AMELX: variants seen among roughly 807,000 people sequenced by gnomAD.
The protein encoded by AMELX is amelogenin X-linked.
In AMELX, 9 loss-of-function variants were observed where a neutral mutation model predicts 15.8. That is an observed-to-expected ratio of 0.57 (90% CI 0.34 to 0.99). The LOEUF is 0.99. AMELX is among the 50% of genes least tolerant of loss of function. AMELX has a pLI of 0.02. For missense variants in AMELX, 107 were observed against 156.2 expected (o/e 0.68, Z 1.68); for synonymous variants, 61 against 58.8 (o/e 1.04, Z -0.17).
In AMELX at chrX:11,300,679, A is replaced by T; in HGVS notation, c.*67A>T. 1 of 1,056,880 alleles carries T rather than the reference A, an allele frequency of 9.5e-7. No homozygotes were observed. Among genetic ancestry groups the T allele is most frequent in the African/African-American group, 1.8e-5 (1 of 54,710 alleles). 87.1% of individuals were successfully genotyped at this position (1,056,880 alleles called of 1,213,427 possible). A position where few individuals can be genotyped will look rare whatever the true frequency, so the allele number is the denominator to read the frequency against. On this transcript the variant is annotated 3_prime_UTR_variant, in exon 6 of 6. Transcript: ENST00000380714. Reference sequence around the variant, plus strand: ...TCAGGAGTGACACAAGAACACAATGATTTTTGCTTATAATCACTTTACTTA... The same window carrying T: ...TCAGGAGTGACACAAGAACACAATGTTTTTTGCTTATAATCACTTTACTTA...
chrX:11,305,349 G>A (rs2048226838), downstream of AMELX, among the ~76,000 whole-genome samples: 1 of 112,147 alleles, frequency 8.9e-6, no homozygotes, highest in Non-Finnish European at 1.9e-5. Flanking sequence ...AAGAAAGCAT[G>A]TCCACCCTCT....
chrX:11,296,913 C>A, intron 3 of AMELX, 87 bp downstream of exon 3: 1 of 1,087,234 alleles, frequency 9.2e-7, no homozygotes, highest in Non-Finnish European at 1.3e-6. Flanking sequence ...ATTCTTTATC[C>A]CAGATGTTTC....
chrX:11,306,066 C>A, the AMELX span, among the ~76,000 whole-genome samples: 2 of 111,441 alleles, frequency 1.8e-5, no homozygotes, highest in Admixed American at 9.5e-5. Context: ...CATCAGTGAC[C>A]CTCACCTCAA....
At chrX:11,305,407 C>T (rs751607158), downstream of AMELX, among the ~76,000 whole-genome samples, 5 of 111,734 alleles carry the variant, frequency 4.5e-5, no homozygotes, top group Non-Finnish European at 9.4e-5. Context: ...TTTTAAAAAC[C>T]GTCCGACAGA....
At chrX:11,309,186 T>C in the AMELX span, among the ~76,000 whole-genome samples, 2 of 112,046 alleles carry the variant, frequency 1.8e-5, no homozygotes, top group Non-Finnish European at 3.8e-5. Flanking sequence ...GGTCCTACCT[T>C]GCTTCTAGCA....
At chrX:11,299,348 G>C (rs1012828582) in intron 5 of AMELX, among the ~76,000 whole-genome samples, 3 of 112,120 alleles carry the variant, frequency 2.7e-5, no homozygotes, top group Non-Finnish European at 5.6e-5. Context: ...GAATAGGCTA[G>C]AGTTGCACTG....
At chrX:11,303,595 TA>T (rs2048198206), downstream of AMELX, among the ~76,000 whole-genome samples, 1 of 112,238 alleles carries the variant, frequency 8.9e-6, no homozygotes, top group South Asian at 3.7e-4. Flanking sequence ...CTATTAATTT[TA>T]AAAATGAACG....
chrX:11,308,014 T>A, the AMELX span, among the ~76,000 whole-genome samples: 5 of 112,476 alleles, frequency 4.4e-5, no homozygotes, highest in Non-Finnish European at 9.4e-5. Context: ...AACTAAATAA[T>A]TCGTATATAT....
At chrX:11,302,710 T>C (rs2048187515), downstream of AMELX, among the ~76,000 whole-genome samples, 1 of 111,471 alleles carries the variant, frequency 9.0e-6, no homozygotes, top group Admixed American at 9.5e-5. Context: ...TTGAGTAACT[T>C]GAAATTTTAA....
chrX:11,296,938 T>G lies in AMELX; in HGVS notation c.102+112T>G, dbSNP rs2048095314. 4.0e-6 allele frequency: 4 copies of G among 1,007,859 alleles called. No homozygotes were observed. In the Admixed American group the frequency reaches 8.9e-5, roughly 22 times the overall value. The allele number at this position is 1,007,859 out of a possible 1,213,427, so 83.1% of individuals were successfully genotyped here. A position where few individuals can be genotyped will look rare whatever the true frequency, so the allele number is the denominator to read the frequency against. The stretch of plus-strand genomic sequence containing the variant: ...CCAGATGTTTCTCAAGTGGTCCTGA[T>G]TTTACAGTTCCTACCACCAGCTTCC... On this transcript the variant is annotated intron_variant, in intron 3 of 5. Transcript: ENST00000380714.
At chrX:11,307,652 C>A in the AMELX span, among the ~76,000 whole-genome samples, 1 of 112,546 alleles carries the variant, frequency 8.9e-6, no homozygotes, top group Non-Finnish European at 1.9e-5. Context: ...ACTTCAAAAT[C>A]TGTTTCTTTT....
intron 2 of AMELX, among the ~76,000 whole-genome samples, chrX:11,296,069 A>T: frequency 8.9e-6 from 1 of 112,205 alleles, no homozygotes; most frequent in South Asian, 3.7e-4. Flanking sequence ...TTGGCAGAAT[A>T]ATAAAAAAAG....
At chrX:11,299,115 T>C in intron 5 of AMELX, 142 bp downstream of exon 5, 1 of 790,736 alleles carries the variant, frequency 1.3e-6, no homozygotes. Context: ...GTCCAAGCAA[T>C]ATGCTATACC....
intron 1 of AMELX, among the ~76,000 whole-genome samples, chrX:11,294,534 T>C (rs908169646): frequency 8.0e-5 from 9 of 112,129 alleles, no homozygotes; most frequent in African/African-American, 2.9e-4. Flanking sequence ...AGATCATTCA[T>C]GTCCCTGTAA....
Position 11,298,785 on chromosome X carries a change from C to T in AMELX, c.382C>T (p.Gln128Ter). ...NLPPPAQQPY[Q>*]PQPVQPQPHQ... ...CCCTCCGCCCGCCCAGCAGCCCTAC[C>T]AGCCCCAGCCTGTTCAGCCACAGCC... The change falls in exon 5 of 6, where the codon CAG becomes TAG. Residue 128 changes from glutamine to a stop codon, truncating the protein, a stop_gained. Coordinates refer to ENST00000380714, the MANE Select transcript of AMELX (RefSeq NM_001142.2). LOFTEE classifies it high-confidence loss of function. The T allele has an allele frequency of 8.3e-7, 1 of 1,211,116 alleles. No homozygotes were observed. The highest frequency in any genetic ancestry group is 1.7e-5 in the African/African-American group (1 of 57,607).
chrX:11,308,720 T>C, the AMELX span, among the ~76,000 whole-genome samples: 1 of 112,020 alleles, frequency 8.9e-6, no homozygotes, highest in African/African-American at 3.2e-5. Context: ...TCAGTTTCCT[T>C]ACCTCTAGCA....
intron 3 of AMELX, among the ~76,000 whole-genome samples, chrX:11,297,320 C>T (rs940301693): frequency 4.5e-5 from 5 of 111,826 alleles, no homozygotes; most frequent in African/African-American, 6.5e-5. Context: ...GAGTTTTGGA[C>T]GTCGGGTTTG....
the AMELX span, among the ~76,000 whole-genome samples, chrX:11,309,077 C>T: frequency 5.9e-3 from 662 of 111,680 alleles, 6 homozygotes; most frequent in African/African-American, 0.02. Context: ...ATCCCTCCAA[C>T]GCTATTACTT....
chrX:11,296,767 T>C lies in AMELX; in HGVS notation c.55-12T>C. On this transcript the variant is annotated splice_polypyrimidine_tract_variant and intron_variant, in intron 2 of 5. Transcript: ENST00000380714. ...CTCTCTTTCTATTCTCCTCCCCTCC[T>C]CCCTGTAAAAGCTACCACCTCATCC... 4.1e-6 allele frequency: 5 copies of C among 1,206,166 alleles called. No homozygotes were observed. The highest frequency in any genetic ancestry group is 3.0e-5 in the East Asian group (1 of 33,835).
Sources: gnomAD v4.1 joint callset for allele counts (sites outside exome capture counted in the v4.1 genomes callset) on GRCh38, gnomAD v4.1.1 for gene constraint, MANE v1.5 for transcripts, NCBI Gene and HGNC (gene_info 2026-07-23, HGNC 2026-07-21) for gene names.